The following NCEH1 variants were observed in gnomAD, a reference collection of about 807,000 sequenced individuals.
NCEH1 encodes the protein neutral cholesterol ester hydrolase 1.
In NCEH1, 9 loss-of-function variants were observed where a neutral mutation model predicts 25.4. That is an observed-to-expected ratio of 0.35 (90% CI 0.21 to 0.62). The LOEUF (loss-of-function observed/expected upper bound fraction) is 0.62, where lower values mean the gene tolerates loss of function less well. Among genes scored for constraint, NCEH1 ranks in the 20% least tolerant of loss-of-function variants. The pLI, the probability that NCEH1 is intolerant of heterozygous loss-of-function variation, is 0.72. For synonymous variants in NCEH1, 200 were observed against 199.8 expected (o/e 1.00, Z -0.01); for missense variants, 412 against 501.1 (o/e 0.82, Z 1.70).
intron 1 of NCEH1, chr3:172,680,758 G>C (rs76760206): frequency 1.3e-5 from 2 of 152,558 alleles, no homozygotes; most frequent in Non-Finnish European, 2.9e-5. Flanking sequence ...CAAGCCAGGT[G>C]GCTGTAGTGG....
intron 3 of NCEH1, among the ~76,000 whole-genome samples, chr3:172,642,788 T>C (rs1463392132): frequency 6.6e-6 from 1 of 152,172 alleles, no homozygotes; most frequent in Non-Finnish European, 1.5e-5. Context: ...ATGATTCTCA[T>C]GACAATTCTC....
chr3:172,666,982 GC>G (rs1718237135), intron 1 of NCEH1, among the ~76,000 whole-genome samples: 1 of 152,146 alleles, frequency 6.6e-6, no homozygotes, highest in African/African-American at 2.4e-5. Context: ...CCTCTGGCGA[GC>G]CCAAGGTATT....
intron 1 of NCEH1, among the ~76,000 whole-genome samples, chr3:172,668,774 ACT>A (rs1488833593): frequency 6.6e-6 from 1 of 152,084 alleles, no homozygotes; most frequent in African/African-American, 2.4e-5. Flanking sequence ...AAAACATAAA[ACT>A]CTAATTGATA....
chr3:172,655,825 A>T (rs73038677), intron 1 of NCEH1, among the ~76,000 whole-genome samples: 34,833 of 152,072 alleles, frequency 0.23, 4,448 homozygotes, highest in East Asian at 0.52. Flanking sequence ...GTTGAATAAA[A>T]TTAAAAAATG....
chr3:172,706,924 T>C (rs1475861137), intron 1 of NCEH1, among the ~76,000 whole-genome samples: 1 of 152,214 alleles, frequency 6.6e-6, no homozygotes, highest in African/African-American at 2.4e-5. Flanking sequence ...TTCTTTGTCT[T>C]ACGGTGCTGA....
chr3:172,647,889 C>G lies in NCEH1; in HGVS notation c.364G>C (p.Ala122Pro). The change falls in exon 2 of 5, where the codon GCA becomes CCA. Residue 122 changes from alanine (A) to proline (P), a missense_variant. Physicochemically the swap from Ala to Pro is conservative, Grantham distance 27. Transcript: ENST00000475381. ...IHGGGWALAS[A>P]KIRYYDELCT... ...TCTGAAGGTGACCAGGACGCACTTGCACTTGCCAAGGCCCAGCCTCCTCCG... is the reference window on the plus strand; with the variant it reads ...TCTGAAGGTGACCAGGACGCACTTGGACTTGCCAAGGCCCAGCCTCCTCCG... 1.2e-6 allele frequency: 2 copies of G among 1,614,154 alleles called. No homozygotes were observed. The highest frequency in any genetic ancestry group is 1.7e-6 in the Non-Finnish European group (2 of 1,180,018).
At position 172,688,532 on chromosome 3, in the gene NCEH1, G is replaced by T. The variant is rs539087504; in HGVS notation, c.138+22315C>A. On this transcript the variant is annotated intron_variant, in intron 1 of 4. Transcript: ENST00000475381. ...TCTTGGGGGAAATAACAAAAGAAATGGAAGGATTAATTTTTCTGAGATCAT... is the reference window on the plus strand; with the variant it reads ...TCTTGGGGGAAATAACAAAAGAAATTGAAGGATTAATTTTTCTGAGATCAT... Among the ~76,000 whole-genome samples, 17 of 152,142 alleles carry T rather than the reference G, an allele frequency of 1.1e-4. No homozygotes were observed. In the East Asian group the frequency reaches 3.1e-3, roughly 28 times the overall value.
At chr3:172,675,587 G>A (rs1195590484) in intron 1 of NCEH1, among the ~76,000 whole-genome samples, 1 of 152,088 alleles carries the variant, frequency 6.6e-6, no homozygotes, top group African/African-American at 2.4e-5. Flanking sequence ...AATCATTAAA[G>A]GAAAGGAATT....
chr3:172,639,487 A>C, intron 3 of NCEH1, among the ~76,000 whole-genome samples: 1 of 152,160 alleles, frequency 6.6e-6, no homozygotes, highest in Non-Finnish European at 1.5e-5. Context: ...GGTACAGCCA[A>C]ATAAAGCATA....
At chr3:172,636,829 C>T (rs1230484782) in intron 3 of NCEH1, among the ~76,000 whole-genome samples, 1 of 152,198 alleles carries the variant, frequency 6.6e-6, no homozygotes, top group African/African-American at 2.4e-5. Flanking sequence ...CTGGTTTTGT[C>T]AAATGCCTCA....
chr3:172,637,481 G>A (rs533982872), intron 3 of NCEH1, among the ~76,000 whole-genome samples: 9 of 152,248 alleles, frequency 5.9e-5, no homozygotes, highest in South Asian at 4.1e-4. Context: ...GGCTGAGAGC[G>A]GTGGCTCACA....
chr3:172,665,884 T>C (rs1177744297), intron 1 of NCEH1, among the ~76,000 whole-genome samples: 1 of 152,202 alleles, frequency 6.6e-6, no homozygotes, highest in Non-Finnish European at 1.5e-5. Context: ...CCAGGTACCA[T>C]CTGTCACAGC....
At chr3:172,653,751 TG>T (rs1430246368) in intron 1 of NCEH1, among the ~76,000 whole-genome samples, 17,339 of 80,688 alleles carry the variant, frequency 0.21, 1,080 homozygotes, top group East Asian at 0.37. Context: ...TTTGTTTTTT[TG>T]TTTTTTTGTT....
At chr3:172,672,309 G>A (rs1465250135) in intron 1 of NCEH1, among the ~76,000 whole-genome samples, 1 of 152,124 alleles carries the variant, frequency 6.6e-6, no homozygotes, top group East Asian at 1.9e-4. Flanking sequence ...CAGGTGATCT[G>A]CCTGCCTTAG....
At chr3:172,709,697 CATA>C (rs756507468) in intron 1 of NCEH1, among the ~76,000 whole-genome samples, 58 of 152,272 alleles carry the variant, frequency 3.8e-4, no homozygotes, top group Admixed American at 1.0e-3. Flanking sequence ...TAATCCTACA[CATA>C]ATGAGTGGAC....
At chr3:172,702,310 A>C (rs2108538097) in intron 1 of NCEH1, among the ~76,000 whole-genome samples, 1 of 152,356 alleles carries the variant, frequency 6.6e-6, no homozygotes, top group East Asian at 1.9e-4. Context: ...CTATATGCTC[A>C]ATAGATATTT....
At chr3:172,708,986 AGAG>A (rs753871190) in intron 1 of NCEH1, among the ~76,000 whole-genome samples, 13 of 152,234 alleles carry the variant, frequency 8.5e-5, no homozygotes, top group Non-Finnish European at 1.9e-4. Flanking sequence ...TTCACAATTT[AGAG>A]GAGAAGTGAT....
intron 3 of NCEH1, among the ~76,000 whole-genome samples, chr3:172,645,013 G>C (rs558820561): frequency 6.3e-4 from 96 of 152,258 alleles, no homozygotes; most frequent in Non-Finnish European, 1.3e-3. Flanking sequence ...GTGTGCAAAA[G>C]CATTCGCACA....
At chr3:172,642,806 A>G (rs1167628688) in intron 3 of NCEH1, among the ~76,000 whole-genome samples, 1 of 152,114 alleles carries the variant, frequency 6.6e-6, no homozygotes, top group Non-Finnish European at 1.5e-5. Context: ...CTCTGCAGTC[A>G]TTATCCCAAC....
Sources: gnomAD v4.1 joint callset for allele counts (sites outside exome capture counted in the v4.1 genomes callset) on GRCh38, gnomAD v4.1.1 for gene constraint, MANE v1.5 for transcripts, NCBI Gene and HGNC (gene_info 2026-07-23, HGNC 2026-07-21) for gene names.